LRRK2: variants seen among roughly 807,000 people sequenced by gnomAD.
LRRK2 encodes leucine-rich repeat serine/threonine-protein kinase 2.
Under a neutral mutation model 302.6 loss-of-function variants are expected in LRRK2, and 203 were observed. That is an observed-to-expected ratio of 0.67 (90% confidence interval 0.60 to 0.75). LRRK2 has a LOEUF of 0.75. LRRK2 is among the 30% of genes least tolerant of loss of function. LRRK2 has a pLI of 0.00. For missense variants in LRRK2, 2,830 were observed against 2,951.0 expected, an observed-to-expected ratio of 0.96 and a Z score of 0.95; for synonymous variants, 1,066 against 1,031.9, an observed-to-expected ratio of 1.03 and a Z score of -0.63.
intron 4 of LRRK2, among the ~76,000 whole-genome samples, chr12:40,237,346 G>A (rs1055195386): frequency 6.6e-5 from 10 of 152,082 alleles, no homozygotes; most frequent in African/African-American, 2.4e-4. Flanking sequence ...TAGAAATTGG[G>A]GACTGTAGAG....
intron 14 of LRRK2, among the ~76,000 whole-genome samples, chr12:40,272,281 G>A (rs1943263766): frequency 6.6e-6 from 1 of 152,070 alleles, no homozygotes; most frequent in Non-Finnish European, 1.5e-5. Flanking sequence ...TTTTTTTGTA[G>A]AAGATACTAA....
At chr12:40,247,823 T>C (rs1469441316) in intron 7 of LRRK2, among the ~76,000 whole-genome samples, 1 of 146,366 alleles carries the variant, frequency 6.8e-6, no homozygotes, top group Non-Finnish European at 1.5e-5. Context: ...TATATAAATA[T>C]ATATATTTTT....
chr12:40,236,137 A>G (rs192190564), intron 4 of LRRK2, among the ~76,000 whole-genome samples: 14 of 152,164 alleles, frequency 9.2e-5, no homozygotes, highest in African/African-American at 3.4e-4. Context: ...CTTTCTCCCT[A>G]TATATCTTTA....
chr12:40,331,855 T>C (rs1174738596), intron 39 of LRRK2, among the ~76,000 whole-genome samples: 1 of 152,238 alleles, frequency 6.6e-6, no homozygotes, highest in Non-Finnish European at 1.5e-5. Context: ...CCAGTCACTC[T>C]GGCCAATTTT....
chr12:40,248,824 C>T (rs1430814524), intron 7 of LRRK2, among the ~76,000 whole-genome samples: 1 of 152,112 alleles, frequency 6.6e-6, no homozygotes, highest in African/African-American at 2.4e-5. Flanking sequence ...CTGATGGGGA[C>T]AACCCAAGTT....
intron 38 of LRRK2, among the ~76,000 whole-genome samples, chr12:40,324,144 A>G (rs1360059621): frequency 6.6e-6 from 1 of 152,168 alleles, no homozygotes; most frequent in African/African-American, 2.4e-5. Flanking sequence ...GTCTCTCAGA[A>G]TAAAAGCTAA....
rs1946955348 is a variant in LRRK2, at chr12:40,368,836, T to TATG, written c.*1071_*1072insATG. On this transcript the variant is annotated 3_prime_UTR_variant, in exon 51 of 51. Transcript: ENST00000298910. ...GCCACCCTAGGCTTCCAAATTATAC[T>TATG]TAAATTGTTTACATAGCTTACCACA... is the stretch of plus-strand genomic sequence containing the variant. The TATG allele has an allele frequency of 6.6e-6, 1 of 151,864 alleles. No individual in the cohort carries two copies. The highest frequency in any genetic ancestry group is 2.4e-5 in the African/African-American group (1 of 41,398). The allele number at this position is 151,864 out of a possible 1,614,324, so 9.4% of individuals were successfully genotyped here.
chr12:40,334,912 T>A, intron 39 of LRRK2, 55 bp from the exon 40 acceptor site: 1 of 1,581,616 alleles, frequency 6.3e-7, no homozygotes, highest in Non-Finnish European at 8.7e-7. Context: ...AAGAAGGAGA[T>A]ACGTGGGTAA....
intron 38 of LRRK2, among the ~76,000 whole-genome samples, chr12:40,328,054 G>A (rs1945603299): frequency 6.6e-6 from 1 of 152,282 alleles, no homozygotes; most frequent in South Asian, 2.1e-4. Context: ...GCACTTAGGA[G>A]GTGGCTATAA....
At position 40,283,964 on chromosome 12, in the gene LRRK2, A is replaced by G. The variant is rs200312137; in HGVS notation, c.2331A>G (p.Ile777Met). 6.2e-7 allele frequency: 1 copy of G among 1,614,000 alleles called. No homozygotes were observed. The highest frequency in any genetic ancestry group is 2.2e-5 in the East Asian group (1 of 44,866). Residue 777 changes from isoleucine (I) to methionine (M), a missense_variant, in exon 19 of 51, where the codon ATA (isoleucine) becomes ATG (methionine). This residue lies in a region of LRRK2 where 2,121 missense variants were observed against 2,148.0 expected (regional missense o/e 0.99). Coordinates refer to ENST00000298910, the MANE Select transcript of LRRK2 (RefSeq NM_198578.4). ...AAGATGTACGAAAAGCGTTGACGATAAGCATTGGGAAAGGTGACAGCCAGA... is the reference window on the plus strand; with the variant it reads ...AAGATGTACGAAAAGCGTTGACGATGAGCATTGGGAAAGGTGACAGCCAGA... ...REQDVRKALT[I>M]SIGKGDSQII...
chr12:40,347,827 G>A (rs1283141714), intron 42 of LRRK2, among the ~76,000 whole-genome samples: 1 of 152,100 alleles, frequency 6.6e-6, no homozygotes, highest in East Asian at 1.9e-4. Flanking sequence ...GCTGGGCATG[G>A]TGGCATGTGC....
chr12:40,314,495 A>G (rs1455651935), intron 32 of LRRK2, among the ~76,000 whole-genome samples: 1 of 152,128 alleles, frequency 6.6e-6, no homozygotes, highest in Non-Finnish European at 1.5e-5. Context: ...AATGACATTC[A>G]TAATGTCAAA....
chr12:40,309,477 A>G (rs1011058946), intron 30 of LRRK2, among the ~76,000 whole-genome samples: 5 of 152,046 alleles, frequency 3.3e-5, no homozygotes, highest in Non-Finnish European at 7.4e-5. Context: ...ATGCTGTAAA[A>G]CTTGAAAATA....
At chr12:40,298,575 GA>G (rs1421595307) in intron 24 of LRRK2, 82 bp downstream of exon 24, 3 of 1,537,938 alleles carry the variant, frequency 2.0e-6, no homozygotes, top group African/African-American at 2.7e-5. Flanking sequence ...TTATAGCAAT[GA>G]GTTTTAACAA....
At chr12:40,249,966 G>A in intron 8 of LRRK2, 21 bp downstream of exon 8, 7 of 1,612,798 alleles carry the variant, frequency 4.3e-6, no homozygotes, top group Non-Finnish European at 5.9e-6. Flanking sequence ...TCACTAAAAA[G>A]GGGATTCTTA....
chr12:40,326,279 A>C (rs769754999), intron 38 of LRRK2, among the ~76,000 whole-genome samples: 3 of 152,038 alleles, frequency 2.0e-5, no homozygotes, highest in Non-Finnish European at 2.9e-5. Flanking sequence ...CCTGGCTAAC[A>C]CGGTGAAACC....
chr12:40,366,043 G>A (rs945655008), intron 49 of LRRK2: 1 of 151,838 alleles, frequency 6.6e-6, no homozygotes, highest in African/African-American at 2.4e-5. Context: ...ATAGTGGAAT[G>A]TCTATGGGTT....
rs902845874 is a variant in LRRK2 at position 40,328,357 on chromosome 12, A to G, written c.5657-3A>G. 2 of 1,613,084 alleles carry G rather than the reference A, an allele frequency of 1.2e-6. No homozygotes were observed. Among genetic ancestry groups the G allele is most frequent in the Non-Finnish European group, 1.7e-6 (2 of 1,179,140 alleles). On this transcript the variant is annotated splice_region_variant and splice_polypyrimidine_tract_variant and intron_variant, in intron 38 of 50. Transcript: ENST00000298910. Reference sequence around the variant, plus strand: ...TAAGTGCTTTGTATTTTCTTTTCAAAAGGTGATGGCAGTTTTGGATCAGTT... The same window carrying G: ...TAAGTGCTTTGTATTTTCTTTTCAAGAGGTGATGGCAGTTTTGGATCAGTT...
chr12:40,321,508 C>CAA lies in LRRK2; in HGVS notation c.5170+326_5170+327dup, dbSNP rs11422410. Among the ~76,000 whole-genome samples, 13 of 151,644 alleles carry CAA rather than the reference C, an allele frequency of 8.6e-5. No homozygotes were observed. In the East Asian group the frequency reaches 1.2e-3, roughly 14 times the overall value. On this transcript the variant is annotated intron_variant, in intron 35 of 50. Coordinates refer to ENST00000298910, the MANE Select transcript of LRRK2 (RefSeq NM_198578.4). ...TGTTGCACAGCCACTAAGACATTTA[C>CAA]AAAAAAAGAGCAAATCCGGTGTTTA...
Sources: allele counts gnomAD v4.1 joint callset (sites outside exome capture counted in the v4.1 genomes callset), GRCh38; gene constraint gnomAD v4.1.1; regional missense constraint gnomAD v4.1.1; transcripts MANE v1.5; gene names NCBI Gene and HGNC (gene_info 2026-07-23, HGNC 2026-07-21).